Variants in SUZ12 observed in about 807,000 individuals in gnomAD.
SUZ12 encodes polycomb protein SUZ12.
In SUZ12, 17 loss-of-function variants were observed where a neutral mutation model predicts 87.3. That is an observed-to-expected ratio of 0.19 (90% CI 0.13 to 0.29). The LOEUF is 0.29. SUZ12 is among the 10% of genes least tolerant of loss of function. The probability of loss-of-function intolerance (pLI) is 1.00; values close to 1 mark genes in which losing one functional copy is unlikely to be tolerated. For synonymous variants in SUZ12, 253 were observed against 312.4 expected (o/e 0.81, Z 2.01); for missense variants, 526 against 912.2 (o/e 0.58, Z 5.45).
intron 9 of SUZ12, among the ~76,000 whole-genome samples, chr17:31,984,502 G>A (rs900451761): frequency 6.6e-6 from 1 of 152,166 alleles, no homozygotes; most frequent in African/African-American, 2.4e-5. Flanking sequence ...AGTAAAAATT[G>A]TCGGGTTAAA....
At chr17:31,974,796 G>A (rs1385816781) in intron 6 of SUZ12, among the ~76,000 whole-genome samples, 2 of 152,176 alleles carry the variant, frequency 1.3e-5, no homozygotes, top group Non-Finnish European at 2.9e-5. Context: ...TTTAAAAGAA[G>A]TAGCTGCTGT....
At chr17:31,972,406 A>T (rs1201826999) in intron 5 of SUZ12, among the ~76,000 whole-genome samples, 1 of 143,228 alleles carries the variant, frequency 7.0e-6, no homozygotes, top group Non-Finnish European at 1.5e-5. Flanking sequence ...TATATATATA[A>T]ATAGAAATGT....
chr17:32,000,712 C>T lies in SUZ12; in HGVS notation c.*1709C>T, dbSNP rs1033094104. ...TTATGTCATTTCTTAAGCAGTTATG[C>T]TCTTAATGCTTAAAAGAAGGCTAGC... On this transcript the variant is annotated 3_prime_UTR_variant, in exon 16 of 16. Transcript: ENST00000322652. 2 of 230,158 alleles carry T rather than the reference C, an allele frequency of 8.7e-6. No individual in the cohort carries two copies. Among genetic ancestry groups the T allele is most frequent in the Non-Finnish European group, 1.7e-5 (2 of 116,340 alleles). 14.3% of individuals were successfully genotyped at this position (230,158 alleles called of 1,614,324 possible).
chr17:31,981,053 A>T, intron 8 of SUZ12, among the ~76,000 whole-genome samples: 1 of 152,074 alleles, frequency 6.6e-6, no homozygotes, highest in East Asian at 1.9e-4. Context: ...AATCCAGTTA[A>T]TTCCTTGAAA....
intron 8 of SUZ12, among the ~76,000 whole-genome samples, chr17:31,976,986 G>A (rs527697111): frequency 1.7e-4 from 26 of 152,312 alleles, no homozygotes; most frequent in African/African-American, 6.0e-4. Context: ...AGTGATGAGT[G>A]TTGTGAAGAA....
intron 4 of SUZ12, among the ~76,000 whole-genome samples, chr17:31,959,018 AAAAT>A (rs1000089657): frequency 1.3e-5 from 2 of 152,172 alleles, no homozygotes; most frequent in East Asian, 1.9e-4. Context: ...ACTCCGTCTC[AAAAT>A]AAATAAATAA....
At chr17:31,952,326 C>G (rs1171946490) in intron 4 of SUZ12, among the ~76,000 whole-genome samples, 2 of 152,174 alleles carry the variant, frequency 1.3e-5, no homozygotes, top group Admixed American at 6.5e-5. Context: ...TCCCAAAGTT[C>G]CGGGATTACA....
intron 9 of SUZ12, among the ~76,000 whole-genome samples, chr17:31,986,078 C>G (rs2142200054): frequency 1.3e-5 from 2 of 152,248 alleles, no homozygotes; most frequent in Admixed American, 1.3e-4. Flanking sequence ...AAGCAATTCT[C>G]TTGCCTCAGC....
chr17:31,980,186 T>G (rs1909014301), intron 8 of SUZ12, among the ~76,000 whole-genome samples: 1 of 151,782 alleles, frequency 6.6e-6, no homozygotes, highest in Admixed American at 6.6e-5. Context: ...TTTTTTAAAG[T>G]TACATGTAAA....
chr17:31,999,013 AC>A lies in SUZ12; in HGVS notation c.*14del. ...AAAACAAAAACTCTGAAAAGCTCTA[AC>A]CCCATGTTATGGACAAACACTGAAA... On this transcript the variant is annotated 3_prime_UTR_variant, in exon 16 of 16. Transcript: ENST00000322652. 1 of 1,519,388 alleles carries A rather than the reference AC, an allele frequency of 6.6e-7. No individual in the cohort carries two copies. Among genetic ancestry groups the A allele is most frequent in the Non-Finnish European group, 8.8e-7 (1 of 1,139,266 alleles). The allele number at this position is 1,519,388 out of a possible 1,614,324, so 94.1% of individuals were successfully genotyped here. A position where few individuals can be genotyped will look rare whatever the true frequency, so the allele number is the denominator to read the frequency against.
chr17:31,989,503 A>G (rs1380721585), intron 10 of SUZ12, among the ~76,000 whole-genome samples: 1 of 152,236 alleles, frequency 6.6e-6, no homozygotes, highest in Non-Finnish European at 1.5e-5. Flanking sequence ...TTTGCCAGAA[A>G]CTTACAAGAA....
intron 10 of SUZ12, among the ~76,000 whole-genome samples, chr17:31,992,941 G>C (rs896464733): frequency 2.0e-5 from 3 of 151,774 alleles, no homozygotes; most frequent in South Asian, 4.2e-4. Context: ...TCCTGACATC[G>C]TAATCCTCCT....
At chr17:31,975,431 C>G (rs1459663588) in intron 6 of SUZ12, 51 bp from the exon 7 acceptor site, 8 of 1,261,218 alleles carry the variant, frequency 6.3e-6, no homozygotes, top group Non-Finnish European at 8.6e-6. Context: ...TATTATAATT[C>G]TTATTGCTTA....
Position 31,988,618 on chromosome 17 carries a change from A to C in SUZ12, c.1201+121A>C, listed in dbSNP as rs981504699. On this transcript the variant is annotated intron_variant, in intron 10 of 15. Transcript: ENST00000322652. Reference sequence around the variant, plus strand: ...TCTTCTTTTTTTTTTTTTGAGATGGAGTCTTGCTCTGTTGCCCAGGCAGGA... The same window carrying C: ...TCTTCTTTTTTTTTTTTTGAGATGGCGTCTTGCTCTGTTGCCCAGGCAGGA... 7.9e-6 allele frequency: 8 copies of C among 1,014,840 alleles called. No individual in the cohort carries two copies. The African/African-American group carries it at 1.4e-4, about 18-fold the overall frequency. 62.9% of individuals were successfully genotyped at this position (1,014,840 alleles called of 1,614,324 possible). A position where few individuals can be genotyped will look rare whatever the true frequency, so the allele number is the denominator to read the frequency against.
rs573030745 is a variant in SUZ12, at chr17:31,968,654, C to T, written c.505+2458C>T. Among the ~76,000 whole-genome samples the T allele has an allele frequency of 3.3e-5, 5 of 152,194 alleles. No homozygotes were observed. The East Asian group carries it at 7.7e-4, about 23-fold the overall frequency. On this transcript the variant is annotated intron_variant, in intron 5 of 15. Coordinates refer to ENST00000322652, the MANE Select transcript of SUZ12 (RefSeq NM_015355.4). ...TATAGAAGTAACCTGGGTAGCATTA[C>T]GGTTTTTGTTTTCCTTAAATTATTT...
chr17:31,965,495 C>T (rs775625345), intron 4 of SUZ12, among the ~76,000 whole-genome samples: 4 of 152,122 alleles, frequency 2.6e-5, no homozygotes, highest in Non-Finnish European at 5.9e-5. Flanking sequence ...CTTGCTTTTG[C>T]TTTTCCATAG....
At chr17:31,962,136 ATTATT>A (rs1327731063) in intron 4 of SUZ12, among the ~76,000 whole-genome samples, 1 of 152,158 alleles carries the variant, frequency 6.6e-6, no homozygotes, top group East Asian at 1.9e-4. Context: ...TGGATACTTT[ATTATT>A]TTCTGCAAGC....
Position 31,999,119 on chromosome 17 carries a change from AG to A in SUZ12, c.*117del. The A allele has an allele frequency of 1.2e-6, 1 of 827,424 alleles. No individual in the cohort carries two copies. Among genetic ancestry groups the A allele is most frequent in the Non-Finnish European group, 1.8e-6 (1 of 563,030 alleles). 51.3% of individuals were successfully genotyped at this position (827,424 alleles called of 1,614,324 possible). On this transcript the variant is annotated 3_prime_UTR_variant, in exon 16 of 16. Transcript: ENST00000322652. ...GTTCCAAACAGGCACTGTTAGATGA[AG>A]TAAATGATTTCAACAAGGATATTTG... is the stretch of plus-strand genomic sequence containing the variant.
intron 1 of SUZ12, among the ~76,000 whole-genome samples, chr17:31,939,613 T>C (rs1906149890): frequency 6.6e-6 from 1 of 151,456 alleles, no homozygotes; most frequent in African/African-American, 2.4e-5. Flanking sequence ...AGCCTCCGCC[T>C]CCCAGGTTCA....
Sources: gnomAD v4.1 joint callset for allele counts (sites outside exome capture counted in the v4.1 genomes callset) on GRCh38, gnomAD v4.1.1 for gene constraint, MANE v1.5 for transcripts, NCBI Gene and HGNC (gene_info 2026-07-23, HGNC 2026-07-21) for gene names.